USP50: variants seen among roughly 807,000 people sequenced by gnomAD.
USP50 encodes ubiquitin carboxyl-terminal hydrolase 50.
A neutral mutation model predicts 39.2 loss-of-function variants in USP50; 37 were observed. The observed-to-expected ratio is 0.94, with a 90% CI of 0.73 to 1.24. The LOEUF (loss-of-function observed/expected upper bound fraction) is 1.24. Ranked by LOEUF, USP50 falls within the 50% of genes most tolerant of loss-of-function variation. The probability of loss-of-function intolerance (pLI) is 0.00; values close to 1 mark genes in which losing one functional copy is unlikely to be tolerated. For missense variants in USP50, 374 were observed against 398.2 expected (o/e 0.94, Z 0.52); for synonymous variants, 139 against 144.5 (o/e 0.96, Z 0.27).
rs535330043 is a variant in USP50 at position 50,495,488 on chromosome 15, G to C, written n.185-1358C>G. 1.5e-3 allele frequency among the ~76,000 whole-genome samples: 217 copies of C among 148,598 alleles called. 2 individuals carry two copies. Among genetic ancestry groups the C allele is most frequent in the East Asian group, 2.2e-3 (11 of 5,018 alleles). On this transcript the variant is annotated intron_variant and non_coding_transcript_variant, in intron 1 of 1. Coordinates refer to the USP50 transcript ENST00000560159. ...TTTCTTTTTTTAGTAGAGATTGGAGGGGGGGGTCTCACTATGTTGCACAAG... is the reference window on the plus strand; with the variant it reads ...TTTCTTTTTTTAGTAGAGATTGGAGCGGGGGGTCTCACTATGTTGCACAAG...
rs1370904100 is a variant in USP50, at chr15:50,543,783, C to T, written c.259G>A (p.Glu87Lys). The T allele has an allele frequency of 1.2e-6, 2 of 1,607,548 alleles. No individual in the cohort carries two copies. The highest frequency in any genetic ancestry group is 1.7e-6 in the Non-Finnish European group (2 of 1,176,630). The change falls in exon 3 of 7, where the codon GAA becomes AAA. Residue 87 changes from glutamate to lysine, a missense_variant. Coordinates refer to ENST00000532404, the MANE Select transcript of USP50 (RefSeq NM_203494.5). Reference protein sequence around the residue: ...YITALQNDCSEVATAFAYLMT... With the variant: ...YITALQNDCSKVATAFAYLMT... ...AGATAGGCAAAAGCAGTGGCAACTT[C>T]ACTGCAATCGCTTGGAAGAAGAAAG...
chr15:50,523,315 G>A (rs538911936), intron 6 of USP50, among the ~76,000 whole-genome samples: 1 of 151,118 alleles, frequency 6.6e-6, no homozygotes, highest in East Asian at 2.0e-4. Context: ...AGTAGCAGGT[G>A]TGCACCACTA....
chr15:50,546,354 C>T, intron 1 of USP50, 119 bp downstream of exon 1: 1 of 1,041,890 alleles, frequency 9.6e-7, no homozygotes, highest in Non-Finnish European at 1.5e-6. Flanking sequence ...TTCCGGGGAC[C>T]TTCCATGGGT....
At chr15:50,499,353 CATT>C (rs2052530682), downstream of USP50, 2 of 287,616 alleles carry the variant, frequency 7.0e-6, no homozygotes, top group East Asian at 1.2e-4. Context: ...ACTAGCTAAG[CATT>C]ATTATTCGAC....
chr15:50,517,169 A>C (rs978110944), intron 6 of USP50, among the ~76,000 whole-genome samples: 1 of 152,176 alleles, frequency 6.6e-6, no homozygotes, highest in Non-Finnish European at 1.5e-5. Context: ...ATACAATAAG[A>C]CTTTAAAAAT....
Position 50,500,632 on chromosome 15 carries a change from A to T in USP50, c.*137T>A. The T allele has an allele frequency of 1.3e-6, 1 of 783,644 alleles. No individual in the cohort carries two copies. The highest frequency in any genetic ancestry group is 2.1e-6 in the Non-Finnish European group (1 of 479,728). The allele number at this position is 783,644 out of a possible 1,614,324, so 48.5% of individuals were successfully genotyped here. The stretch of plus-strand genomic sequence containing the variant: ...GCTGACTGCTTGTTTTGCAGTGTTC[A>T]GGAAACACCATTTTCCTGGCTCTTA... On this transcript the variant is annotated 3_prime_UTR_variant, in exon 7 of 7. Transcript: ENST00000532404.
At chr15:50,495,475 G>A (rs1347912485) in intron 1 of USP50, among the ~76,000 whole-genome samples, 1 of 129,516 alleles carries the variant, frequency 7.7e-6, no homozygotes, top group Non-Finnish European at 1.6e-5. Flanking sequence ...TCTTTTTTTA[G>A]TAGAGATTGG....
chr15:50,541,615 G>C (rs2414074), intron 3 of USP50, among the ~76,000 whole-genome samples: 27,626 of 152,040 alleles, frequency 0.18, 3,232 homozygotes, highest in East Asian at 0.47. Context: ...AGACAATAGA[G>C]TAAGATATCC....
At chr15:50,522,736 C>T (rs545001324) in intron 6 of USP50, among the ~76,000 whole-genome samples, 1 of 152,318 alleles carries the variant, frequency 6.6e-6, no homozygotes, top group East Asian at 1.9e-4. Flanking sequence ...ACCTCCACCT[C>T]CTGGATTCAA....
At chr15:50,513,529 A>C (rs1003569494) in intron 6 of USP50, 3 of 151,562 alleles carry the variant, frequency 2.0e-5, no homozygotes, top group African/African-American at 7.3e-5. Context: ...AAAAAAAAAA[A>C]AAAAAAAAAG....
chr15:50,529,759 TA>T, intron 6 of USP50, 37 bp downstream of exon 6: 1 of 1,593,320 alleles, frequency 6.3e-7, no homozygotes, highest in Non-Finnish European at 8.5e-7. Context: ...GAGTTTTCTT[TA>T]AAATTGGATT....
At chr15:50,535,135 TCACACACACACACA>T (rs113407791) in intron 5 of USP50, among the ~76,000 whole-genome samples, 1 of 144,516 alleles carries the variant, frequency 6.9e-6, no homozygotes, top group Non-Finnish European at 1.5e-5. Context: ...TGAAACTCTG[TCACACACACACACA>T]CACACACACA....
intron 4 of USP50, among the ~76,000 whole-genome samples, chr15:50,540,162 C>A (rs8037764): frequency 6.6e-6 from 1 of 152,098 alleles, no homozygotes; most frequent in African/African-American, 2.4e-5. Context: ...TATTGCTGTC[C>A]GCCCCTTGTT....
intron 6 of USP50, among the ~76,000 whole-genome samples, chr15:50,515,430 C>T (rs1050137364): frequency 5.9e-5 from 9 of 151,812 alleles, no homozygotes; most frequent in African/African-American, 9.7e-5. Context: ...TTGGTAGAGA[C>T]GGGGTTTCAC....
intron 6 of USP50, among the ~76,000 whole-genome samples, chr15:50,515,434 G>A (rs1372044938): frequency 6.6e-6 from 1 of 151,942 alleles, no homozygotes; most frequent in African/African-American, 2.4e-5. Flanking sequence ...TAGAGACGGG[G>A]TTTCACTATG....
rs548734276 is a variant in USP50, at chr15:50,543,670, C to T, written c.372G>A (p.Thr124=). 10 of 1,613,446 alleles carry T rather than the reference C, an allele frequency of 6.2e-6. No individual in the cohort carries two copies. The highest frequency in any genetic ancestry group is 2.2e-5 in the East Asian group (1 of 44,870). The change falls in exon 3 of 7, where the codon ACG becomes ACA. Residue 124 remains threonine (T), a synonymous_variant. Coordinates refer to ENST00000532404, the MANE Select transcript of USP50 (RefSeq NM_203494.5). The part of the protein sequence containing the change: ...SALGNLYPAF[T]KKMQQDAQEF... ...CCTGAGCATCTTGTTGCATCTTTTT[C>T]GTAAATGCTGGGTAGAGGTTGCCAA...
chr15:50,495,917 G>A, downstream of USP50: 1 of 1,613,792 alleles, frequency 6.2e-7, no homozygotes, highest in South Asian at 1.1e-5. Flanking sequence ...TGCAGAACAT[G>A]CCTGGCAGAA....
intron 5 of USP50, among the ~76,000 whole-genome samples, chr15:50,531,600 G>C (rs1036385070): frequency 2.6e-5 from 4 of 152,124 alleles, no homozygotes; most frequent in Non-Finnish European, 5.9e-5. Context: ...TTTATATGTT[G>C]GTTGTAATGG....
downstream of USP50, chr15:50,493,937 T>C: frequency 1.9e-6 from 2 of 1,064,970 alleles, no homozygotes; most frequent in African/African-American, 1.6e-5. Flanking sequence ...GTGGTGAGCC[T>C]GCAAATAAAT....
Sources: gnomAD v4.1 joint callset for allele counts (sites outside exome capture counted in the v4.1 genomes callset) on GRCh38, gnomAD v4.1.1 for gene constraint, MANE v1.5 for transcripts, NCBI Gene and HGNC (gene_info 2026-07-23, HGNC 2026-07-21) for gene names.